NBPF26: variants seen among roughly 807,000 people sequenced by gnomAD.
NBPF26 encodes NBPF family member NBPF26.
NBPF26 carries 79 observed loss-of-function variants against 119.6 expected under a neutral mutation model. That is an observed-to-expected ratio of 0.66 (90% CI 0.55 to 0.80). NBPF26 has a LOEUF of 0.80. Ranked by LOEUF, NBPF26 falls within the 30% of genes least tolerant of loss-of-function variation. The probability of loss-of-function intolerance (pLI) is 0.00; values close to 1 mark genes in which losing one functional copy is unlikely to be tolerated. For missense variants in NBPF26, 800 were observed against 1,198.2 expected (o/e 0.67, Z 4.91); for synonymous variants, 299 against 457.7 (o/e 0.65, Z 4.43).
In NBPF26 at chr1:120,840,588, CA is replaced by C. The variant is rs1652496429; in HGVS notation, c.4344del (p.Gln1448HisfsTer?). ...GTTCCAGATGGGAGTCATATTCCCA[CA>C]ATAAGCAGCCCTTACTAAGCCGAGA... On this transcript the variant is annotated frameshift_variant, in exon 30 of 30. Coordinates refer to ENST00000620612, the Ensembl canonical transcript of NBPF26. LOFTEE classifies it high-confidence loss of function. The C allele has an allele frequency of 6.8e-7, 1 of 1,463,018 alleles. No individual in the cohort carries two copies. Among genetic ancestry groups the C allele is most frequent in the South Asian group, 1.2e-5 (1 of 84,428 alleles). The allele number at this position is 1,463,018 out of a possible 1,614,324, so 90.6% of individuals were successfully genotyped here.
intron 5 of NBPF26, among the ~76,000 whole-genome samples, chr1:120,806,833 G>A (rs1198620208): frequency 1.7e-5 from 2 of 120,724 alleles, no homozygotes; most frequent in Non-Finnish European, 3.3e-5. Flanking sequence ...CATCTGTTCA[G>A]AGGGTACTAC....
chr1:120,768,748 TCTGATATAAGTTA>T (rs1651223360), intron 2 of NBPF26, among the ~76,000 whole-genome samples: 3 of 86,948 alleles, frequency 3.5e-5, no homozygotes, highest in African/African-American at 8.5e-5. Flanking sequence ...AGAGGGCTAG[TCTGATATAAGTTA>T]CTCTGCAATT....
Position 120,733,181 on chromosome 1 carries a change from T to C in NBPF26, c.73+8931T>C, listed in dbSNP as rs1375727524. ...ATATATATATATATGCACACACACATAATATACTATTGTCAACACTAGGTT... is the reference window on the plus strand; with the variant it reads ...ATATATATATATATGCACACACACACAATATACTATTGTCAACACTAGGTT... On this transcript the variant is annotated intron_variant, in intron 1 of 29. Coordinates refer to ENST00000620612, the Ensembl canonical transcript of NBPF26. Among the ~76,000 whole-genome samples, 3 of 106,642 alleles carry C rather than the reference T, an allele frequency of 2.8e-5. 1 individual carries two copies. The highest frequency in any genetic ancestry group is 1.7e-4 in the African/African-American group (3 of 17,232). 70.0% of individuals were successfully genotyped at this position (106,642 alleles called of 152,430 possible). A position where few individuals can be genotyped will look rare whatever the true frequency, so the allele number is the denominator to read the frequency against.
rs1325951831 is a variant in NBPF26 at position 120,778,423 on chromosome 1, T to G, written c.156-6551T>G. ...AGAGGAGCTTTAATGAGGAGCAGCT[T>G]CAGTGCCGACGCAACCCACATGAGA... On this transcript the variant is annotated intron_variant, in intron 2 of 29. Coordinates refer to ENST00000620612, the Ensembl canonical transcript of NBPF26. 1.2e-3 allele frequency among the ~76,000 whole-genome samples: 129 copies of G among 111,768 alleles called. 6 individuals carry two copies. Among genetic ancestry groups the G allele is most frequent in the Middle Eastern group, 3.8e-3 (1 of 262 alleles). 73.3% of individuals were successfully genotyped at this position (111,768 alleles called of 152,430 possible). A position where few individuals can be genotyped will look rare whatever the true frequency, so the allele number is the denominator to read the frequency against.
intron 27 of NBPF26, among the ~76,000 whole-genome samples, chr1:120,838,489 G>A (rs1353325598): frequency 3.2e-3 from 199 of 61,532 alleles, no homozygotes; most frequent in African/African-American, 0.015. Flanking sequence ...CACTGAGCTC[G>A]TTCTCTCTCT....
chr1:120,807,004 A>G (rs1651708254), intron 5 of NBPF26, among the ~76,000 whole-genome samples: 1 of 129,270 alleles, frequency 7.7e-6, no homozygotes, highest in Non-Finnish European at 1.6e-5. Context: ...AATTAACACA[A>G]CTAATCTAAA....
At chr1:120,818,824 T>G (rs1248385160) in intron 15 of NBPF26, among the ~76,000 whole-genome samples, 3 of 118,438 alleles carry the variant, frequency 2.5e-5, no homozygotes, top group African/African-American at 1.2e-4. Context: ...GAGTTCTAAT[T>G]TGATGGCACT....
chr1:120,756,350 C>A (rs1261202757), intron 1 of NBPF26, among the ~76,000 whole-genome samples: 3 of 117,624 alleles, frequency 2.6e-5, no homozygotes, highest in Non-Finnish European at 3.3e-5. Context: ...AATATTGCTA[C>A]TTGAAATTTG....
At position 120,802,316 on chromosome 1, in the gene NBPF26, C is replaced by A; in HGVS notation, c.752-3240C>A. Among the ~76,000 whole-genome samples the A allele has an allele frequency of 1.6e-5, 2 of 125,980 alleles. 1 individual carries two copies. The highest frequency in any genetic ancestry group is 7.5e-5 in the African/African-American group (2 of 26,626). The allele number at this position is 125,980 out of a possible 152,430, so 82.6% of individuals were successfully genotyped here. ...TTTCCCAGCTGTTTCTTACTCTGAT[C>A]AACTTGGGGGTAGGACCCATTGAGC... On this transcript the variant is annotated intron_variant, in intron 4 of 29. Coordinates refer to ENST00000620612, the Ensembl canonical transcript of NBPF26.
At chr1:120,822,070 T>C (rs1652129612) in intron 15 of NBPF26, 34 bp from the exon 16 acceptor site, 1 of 1,448,008 alleles carries the variant, frequency 6.9e-7, no homozygotes, top group East Asian at 2.3e-5. Context: ...GTTGGTTAAA[T>C]CTTCTGTCAT....
intron 6 of NBPF26, among the ~76,000 whole-genome samples, chr1:120,808,118 ATTCTT>A (rs1266912485): frequency 8.4e-6 from 1 of 118,742 alleles, no homozygotes; most frequent in Non-Finnish European, 1.7e-5. Flanking sequence ...CGACCCTGTC[ATTCTT>A]TTCTTCTTTC....
At chr1:120,784,674 C>A (rs1241024016) in intron 2 of NBPF26, among the ~76,000 whole-genome samples, 4 of 118,286 alleles carry the variant, frequency 3.4e-5, no homozygotes, top group East Asian at 2.1e-4. Context: ...TTTTTCACAG[C>A]ACTTAACTCC....
chr1:120,822,056 G>C (rs1571043553), intron 15 of NBPF26, 48 bp from the exon 16 acceptor site: 1 of 1,446,252 alleles, frequency 6.9e-7, no homozygotes, highest in Non-Finnish European at 9.2e-7. Context: ...GTTGTCTAAA[G>C]TCTGTTGGTT....
At chr1:120,808,136 C>G (rs1553270417) in intron 6 of NBPF26, among the ~76,000 whole-genome samples, 3 of 119,028 alleles carry the variant, frequency 2.5e-5, no homozygotes, top group Non-Finnish European at 5.1e-5. Flanking sequence ...CTTCTTTCAT[C>G]TTTTCAATTC....
chr1:120,840,490 A>T, exon 30 of NBPF26: 5 of 1,479,534 alleles, frequency 3.4e-6, no homozygotes, highest in Non-Finnish European at 4.6e-6. Flanking sequence ...TCATTTGAGG[A>T]AGAGCATATC....
In NBPF26 at chr1:120,822,138, C is replaced by T. The variant is rs1652131863; in HGVS notation, c.2458C>T (p.Gln820Ter). The T allele has an allele frequency of 8.0e-6, 11 of 1,376,952 alleles. 2 individuals carry two copies. Among genetic ancestry groups the T allele is most frequent in the South Asian group, 2.4e-5 (2 of 81,678 alleles). 85.3% of individuals were successfully genotyped at this position (1,376,952 alleles called of 1,614,324 possible). A position where few individuals can be genotyped will look rare whatever the true frequency, so the allele number is the denominator to read the frequency against. ...GGAGTCTGAAGAGGAGGAAGTCCCC[C>T]AGGAGTCCTGGGATGAAGGTTATTC... The change falls in exon 16 of 30, where the codon CAG becomes TAG. Residue 820 changes from glutamine to a stop codon, truncating the protein, a stop_gained. Coordinates refer to ENST00000620612, the Ensembl canonical transcript of NBPF26. LOFTEE classifies it high-confidence loss of function.
In NBPF26 at chr1:120,790,509, G is replaced by T. The variant is rs1381388473; in HGVS notation, c.416-2652G>T. Among the ~76,000 whole-genome samples the T allele has an allele frequency of 3.5e-5, 4 of 114,654 alleles. 2 individuals carry two copies. Among genetic ancestry groups the T allele is most frequent in the African/African-American group, 1.0e-4 (2 of 19,270 alleles). 75.2% of individuals were successfully genotyped at this position (114,654 alleles called of 152,430 possible). A position where few individuals can be genotyped will look rare whatever the true frequency, so the allele number is the denominator to read the frequency against. ...AATATATATGGAAACCAAATTCAGG[G>T]TTGATTCTTTCTTTCTTTCTCCCTC... On this transcript the variant is annotated intron_variant, in intron 3 of 29. Transcript: ENST00000620612.
At chr1:120,810,592 G>C in intron 9 of NBPF26, 34 bp downstream of exon 9, 4 of 1,373,932 alleles carry the variant, frequency 2.9e-6, no homozygotes, top group Non-Finnish European at 2.0e-6. Context: ...TCATACCTCT[G>C]TCTAGGCTAT....
rs1461960541 is a variant in NBPF26, at chr1:120,728,736, GA to G, written c.73+4487del. Reference sequence around the variant, plus strand: ...ATATTTATTTTGATAATTTTTTTGAGATTTTTTTCATTGAGTTGGATATTGC... The same window carrying G: ...ATATTTATTTTGATAATTTTTTTGAGTTTTTTTCATTGAGTTGGATATTGC... On this transcript the variant is annotated intron_variant, in intron 1 of 29. Coordinates refer to ENST00000620612, the Ensembl canonical transcript of NBPF26. Among the ~76,000 whole-genome samples, 3 of 115,806 alleles carry G rather than the reference GA, an allele frequency of 2.6e-5. 1 individual carries two copies. Among genetic ancestry groups the G allele is most frequent in the African/African-American group, 1.0e-4 (2 of 19,654 alleles). The allele number at this position is 115,806 out of a possible 152,430, so 76.0% of individuals were successfully genotyped here. A position where few individuals can be genotyped will look rare whatever the true frequency, so the allele number is the denominator to read the frequency against.
Sources: allele counts gnomAD v4.1 joint callset (sites outside exome capture counted in the v4.1 genomes callset), GRCh38; gene constraint gnomAD v4.1.1; transcripts MANE v1.5; gene names NCBI Gene and HGNC (gene_info 2026-07-23, HGNC 2026-07-21).